The following DISC1 variants were observed in gnomAD, a reference collection of about 807,000 sequenced individuals.
DISC1 encodes the protein DISC1 scaffold protein.
In DISC1, 57 loss-of-function variants were observed where a neutral mutation model predicts 84.5. That is an observed-to-expected ratio of 0.67 (90% CI 0.55 to 0.84). The LOEUF is 0.84. DISC1 is among the 40% of genes least tolerant of loss of function. DISC1 has a pLI of 0.00. For missense variants in DISC1, 1,000 were observed against 1,057.8 expected, an observed-to-expected ratio of 0.95 and a Z score of 0.76; for synonymous variants, 411 against 415.2, an observed-to-expected ratio of 0.99 and a Z score of 0.12.
At chr1:231,706,996 C>T (rs962275089) in intron 3 of DISC1, among the ~76,000 whole-genome samples, 3 of 152,190 alleles carry the variant, frequency 2.0e-5, no homozygotes, top group Non-Finnish European at 4.4e-5. Context: ...GAATCCCTGC[C>T]ACATAAGCGT....
chr1:231,840,631 G>C lies in DISC1; in HGVS notation c.1981+22114G>C, dbSNP rs150355432. ...AGGGCAGGGTTTAGGAATTGGGAGA[G>C]GGGCTGGGGAAGGGTCTGATTAGAA... On this transcript the variant is annotated intron_variant, in intron 9 of 12. Coordinates refer to ENST00000439617, the MANE Select transcript of DISC1 (RefSeq NM_018662.3). Among the ~76,000 whole-genome samples the C allele has an allele frequency of 9.6e-3, 1,469 of 152,286 alleles. 23 individuals carry two copies. Among genetic ancestry groups the C allele is most frequent in the African/African-American group, 0.032 (1,345 of 41,566 alleles).
intron 8 of DISC1, among the ~76,000 whole-genome samples, chr1:231,806,482 C>G (rs1187818774): frequency 6.6e-6 from 1 of 152,220 alleles, no homozygotes; most frequent in Non-Finnish European, 1.5e-5. Context: ...CAGAGCTGGG[C>G]CACATATTGT....
At chr1:231,753,742 C>T (rs2074855714) in intron 4 of DISC1, among the ~76,000 whole-genome samples, 1 of 152,104 alleles carries the variant, frequency 6.6e-6, no homozygotes, top group Non-Finnish European at 1.5e-5. Context: ...GCTTTGTTTC[C>T]TCTTTAAATA....
At chr1:231,862,323 A>G (rs1266882041) in intron 9 of DISC1, among the ~76,000 whole-genome samples, 2 of 152,070 alleles carry the variant, frequency 1.3e-5, no homozygotes, top group African/African-American at 4.8e-5. Flanking sequence ...TGTTCTCATC[A>G]CTCATGGCAA....
intron 5 of DISC1, among the ~76,000 whole-genome samples, 184 bp from the exon 6 acceptor site, chr1:231,770,651 A>G (rs992104937): frequency 6.6e-6 from 1 of 152,212 alleles, no homozygotes; most frequent in Non-Finnish European, 1.5e-5. Flanking sequence ...CCAACTCATT[A>G]GAAATATAAA....
At chr1:231,777,289 A>G (rs1246456764) in intron 6 of DISC1, among the ~76,000 whole-genome samples, 1 of 152,078 alleles carries the variant, frequency 6.6e-6, no homozygotes, top group African/African-American at 2.4e-5. Context: ...TGGTATGATC[A>G]TGGCTCATTG....
chr1:231,917,689 C>T (rs902596471), intron 9 of DISC1, among the ~76,000 whole-genome samples: 5 of 152,128 alleles, frequency 3.3e-5, no homozygotes, highest in South Asian at 2.1e-4. Context: ...AGGAGTGGGG[C>T]GAGCATGGCA....
chr1:231,942,844 A>C (rs2091429249), intron 9 of DISC1, among the ~76,000 whole-genome samples: 1 of 152,138 alleles, frequency 6.6e-6, no homozygotes, highest in Non-Finnish European at 1.5e-5. Flanking sequence ...TGCTTCTACC[A>C]GGAAAATTGC....
Position 231,784,209 on chromosome 1 carries a change from A to G in DISC1, c.1635-11033A>G, listed in dbSNP as rs2077657463. On this transcript the variant is annotated intron_variant, in intron 6 of 12. Coordinates refer to ENST00000439617, the MANE Select transcript of DISC1 (RefSeq NM_018662.3). ...ACCCGGGAGGCAGAGGTTGCAGTAA[A>G]CCGAGATCGCACCATTGCACTCCAG... 3.3e-5 allele frequency among the ~76,000 whole-genome samples: 5 copies of G among 151,384 alleles called. No individual in the cohort carries two copies. In the South Asian group the frequency reaches 1.0e-3, roughly 32 times the overall value.
At chr1:231,696,269 C>T (rs1354302032) in intron 2 of DISC1, among the ~76,000 whole-genome samples, 2 of 152,204 alleles carry the variant, frequency 1.3e-5, no homozygotes, top group African/African-American at 2.4e-5. Flanking sequence ...GGTCTACCTT[C>T]CTGCGGTGTT....
intron 9 of DISC1, among the ~76,000 whole-genome samples, chr1:231,880,103 A>G (rs1482272812): frequency 2.0e-5 from 3 of 152,326 alleles, no homozygotes; most frequent in East Asian, 3.9e-4. Context: ...GGATTAATCT[A>G]TTCATGAAAT....
intron 9 of DISC1, among the ~76,000 whole-genome samples, chr1:231,938,777 G>T (rs2091130265): frequency 6.6e-6 from 1 of 152,162 alleles, no homozygotes; most frequent in Admixed American, 6.5e-5. Flanking sequence ...CCTATAAACT[G>T]ACAGCCGGTC....
At chr1:231,993,941 A>T (rs1665570912) in intron 10 of DISC1, among the ~76,000 whole-genome samples, 1 of 152,174 alleles carries the variant, frequency 6.6e-6, no homozygotes, top group Non-Finnish European at 1.5e-5. Context: ...TTGTTATTCG[A>T]ATTTTAAATA....
intron 8 of DISC1, among the ~76,000 whole-genome samples, chr1:231,811,575 G>C (rs1440745559): frequency 6.6e-6 from 1 of 152,214 alleles, no homozygotes; most frequent in Non-Finnish European, 1.5e-5. Context: ...GGTGAAAGTA[G>C]ATAATCTTAG....
At chr1:231,791,137 T>C (rs910154653) in intron 6 of DISC1, among the ~76,000 whole-genome samples, 2 of 152,244 alleles carry the variant, frequency 1.3e-5, no homozygotes, top group African/African-American at 4.8e-5. Flanking sequence ...TTTGGTCATA[T>C]GATTGGAACA....
At chr1:231,762,090 TTTC>T (rs369869461) in intron 4 of DISC1, among the ~76,000 whole-genome samples, 242 of 152,196 alleles carry the variant, frequency 1.6e-3, no homozygotes, top group African/African-American at 5.6e-3. Context: ...TTCTTTCTCT[TTTC>T]TTTTTTCTTT....
At chr1:231,911,959 C>T (rs2089243958) in intron 9 of DISC1, among the ~76,000 whole-genome samples, 1 of 152,110 alleles carries the variant, frequency 6.6e-6, no homozygotes, top group Non-Finnish European at 1.5e-5. Context: ...TCCACTTGAT[C>T]GAATCAGCTA....
chr1:231,922,766 C>G (rs2090087323), intron 9 of DISC1, among the ~76,000 whole-genome samples: 1 of 152,100 alleles, frequency 6.6e-6, no homozygotes, highest in African/African-American at 2.4e-5. Context: ...ACCCTTCCAG[C>G]TGGCCTTTTG....
rs768995288 is a variant in DISC1 at position 231,800,204 on chromosome 1, A to G, written c.1786A>G (p.Ile596Val). 6.2e-6 allele frequency: 10 copies of G among 1,611,432 alleles called. No homozygotes were observed. The East Asian group carries it at 1.6e-4, about 25-fold the overall frequency. ...PALLEAKMHA[I>V]SGNHFWTAKD... ...CTTGCTTGAAGCCAAAATGCATGCC[A>G]TATCAGGTAACTGGCAGTGTAGGAG... Residue 596 changes from isoleucine (I) to valine (V), a missense_variant, in exon 8 of 13, where the codon ATA (isoleucine) becomes GTA (valine). Physicochemically the swap from Ile to Val is conservative, Grantham distance 29. This residue lies in a region of DISC1 where 397 missense variants were observed against 377.5 expected (regional missense o/e 1.05). Coordinates refer to ENST00000439617, the MANE Select transcript of DISC1 (RefSeq NM_018662.3).
Sources: allele counts gnomAD v4.1 joint callset (sites outside exome capture counted in the v4.1 genomes callset), GRCh38; gene constraint gnomAD v4.1.1; regional missense constraint gnomAD v4.1.1; transcripts MANE v1.5; gene names NCBI Gene and HGNC (gene_info 2026-07-23, HGNC 2026-07-21).